Variants in ACYP1 observed in about 807,000 individuals in gnomAD.
ACYP1 encodes the protein acylphosphatase-1.
In ACYP1, 8 loss-of-function variants were observed where a neutral mutation model predicts 10.4. The ratio of observed to expected loss-of-function variants is 0.77; its 90% CI spans 0.45 to 1.38. The LOEUF (loss-of-function observed/expected upper bound fraction) is 1.38, where lower values mean the gene tolerates loss of function less well. Among genes scored for constraint, ACYP1 ranks in the 40% most tolerant of loss-of-function variants. The probability of loss-of-function intolerance (pLI) is 0.00; values close to 1 mark genes in which losing one functional copy is unlikely to be tolerated. For missense variants in ACYP1, 93 were observed against 117.3 expected (o/e 0.79, Z 0.96); for synonymous variants, 38 against 40.8 (o/e 0.93, Z 0.26).
chr14:75,065,852 G>C (rs758714372), upstream of ACYP1, among the ~76,000 whole-genome samples: 16 of 152,170 alleles, frequency 1.1e-4, no homozygotes, highest in Non-Finnish European at 1.5e-4. Context: ...CAACCAGTAA[G>C]TGATGGAGCT....
upstream of ACYP1, among the ~76,000 whole-genome samples, chr14:75,066,383 T>TG (rs11336181): frequency 7.1e-4 from 108 of 151,232 alleles, no homozygotes; most frequent in East Asian, 9.6e-3. Flanking sequence ...TTAATAAAGC[T>TG]GGGGGGGGGT....
intron 2 of ACYP1, among the ~76,000 whole-genome samples, chr14:75,055,664 T>C (rs187082573): frequency 6.6e-6 from 1 of 151,656 alleles, no homozygotes; most frequent in African/African-American, 2.4e-5. Context: ...CCACCTCTAG[T>C]TGCAATCTAA....
At chr14:75,064,059 C>T, upstream of ACYP1, 1 of 986,884 alleles carries the variant, frequency 1.0e-6, no homozygotes, top group Non-Finnish European at 1.2e-6. Flanking sequence ...TGTGTAGCTG[C>T]TCCTTCGCTG....
chr14:75,067,788 G>T (rs1045760853), upstream of ACYP1, among the ~76,000 whole-genome samples: 1 of 151,854 alleles, frequency 6.6e-6, no homozygotes, highest in South Asian at 2.1e-4. Flanking sequence ...GACTCCAGGG[G>T]TTTGAGACCA....
At chr14:75,062,659 CAAAAAAA>C (rs534860020) in intron 2 of ACYP1, among the ~76,000 whole-genome samples, 29 of 103,388 alleles carry the variant, frequency 2.8e-4, no homozygotes, top group South Asian at 6.4e-4. Flanking sequence ...ACTAAAAATA[CAAAAAAA>C]AAAAAAAAAA....
intron 2 of ACYP1, chr14:75,060,105 T>C (rs574287174): frequency 7.8e-5 from 41 of 523,722 alleles, no homozygotes; most frequent in African/African-American, 7.2e-4. Flanking sequence ...ATTTCTATGT[T>C]ATATGTATTC....
chr14:75,069,211 T>A (rs760145119), exon 1 of ACYP1: 29 of 1,515,128 alleles, frequency 1.9e-5, no homozygotes, highest in Non-Finnish European at 2.5e-5. Context: ...CAGCCATACC[T>A]GGGGCCCGCC....
At chr14:75,058,023 A>G (rs1315344806) in intron 2 of ACYP1, among the ~76,000 whole-genome samples, 1 of 148,964 alleles carries the variant, frequency 6.7e-6, no homozygotes, top group Non-Finnish European at 1.5e-5. Flanking sequence ...TTTATAAAGA[A>G]AAGAGGTTTA....
intron 2 of ACYP1, among the ~76,000 whole-genome samples, chr14:75,057,014 C>T (rs1249517531): frequency 6.6e-6 from 1 of 151,484 alleles, no homozygotes; most frequent in East Asian, 1.9e-4. Flanking sequence ...AGGGTCTATC[C>T]ACAGCAGGAG....
intron 2 of ACYP1, among the ~76,000 whole-genome samples, chr14:75,060,707 A>G (rs1254619540): frequency 1.3e-5 from 2 of 151,982 alleles, no homozygotes; most frequent in African/African-American, 4.8e-5. Flanking sequence ...CTTGAAAACA[A>G]TATGTTAAGT....
upstream of ACYP1, among the ~76,000 whole-genome samples, chr14:75,066,935 C>G (rs1038426781): frequency 6.6e-6 from 1 of 152,100 alleles, no homozygotes; most frequent in Non-Finnish European, 1.5e-5. Flanking sequence ...AAGACTGATG[C>G]TGTGAGCATG....
chr14:75,067,112 A>G (rs1157435101), upstream of ACYP1, among the ~76,000 whole-genome samples: 1 of 152,084 alleles, frequency 6.6e-6, no homozygotes, highest in Non-Finnish European at 1.5e-5. Flanking sequence ...GCTGGCTGTC[A>G]TTTAAACACA....
upstream of ACYP1, among the ~76,000 whole-genome samples, chr14:75,067,297 A>G (rs1893158520): frequency 6.6e-6 from 1 of 152,214 alleles, no homozygotes; most frequent in Non-Finnish European, 1.5e-5. Context: ...GATAAATGCC[A>G]GACTTGGAAG....
intron 2 of ACYP1, among the ~76,000 whole-genome samples, chr14:75,056,910 C>A: frequency 6.6e-6 from 1 of 151,584 alleles, no homozygotes; most frequent in Non-Finnish European, 1.5e-5. Flanking sequence ...CTGCTAACAT[C>A]ATACTTAATG....
Position 75,069,148 on chromosome 14 carries a change from G to A in ACYP1, c.82+62C>T, listed in dbSNP as rs1893227483. Reference sequence around the variant, plus strand: ...CGGAAAGATACTGCGTAGCAAAAACGTTGGCAGCAAGTTCCAAAGCCTTGG... The same window carrying A: ...CGGAAAGATACTGCGTAGCAAAAACATTGGCAGCAAGTTCCAAAGCCTTGG... On this transcript the variant is annotated intron_variant, in intron 1 of 2. Transcript: ENST00000555463. 1.8e-5 allele frequency: 26 copies of A among 1,454,434 alleles called. No individual in the cohort carries two copies. The South Asian group carries it at 2.3e-4, about 13-fold the overall frequency. The allele number at this position is 1,454,434 out of a possible 1,614,324, so 90.1% of individuals were successfully genotyped here.
At chr14:75,058,138 G>C (rs1204021769) in intron 2 of ACYP1, among the ~76,000 whole-genome samples, 2 of 150,570 alleles carry the variant, frequency 1.3e-5, no homozygotes, top group Non-Finnish European at 2.9e-5. Context: ...AAGAGGTGGG[G>C]TACCAGGCTC....
rs766484083 is a variant in ACYP1, at chr14:75,053,663, AG to A, written c.85-5del. The A allele has an allele frequency of 2.5e-6, 4 of 1,613,104 alleles. No individual in the cohort carries two copies. Among genetic ancestry groups the A allele is most frequent in the African/African-American group, 1.3e-5 (1 of 74,884 alleles). On this transcript the variant is annotated splice_polypyrimidine_tract_variant and splice_region_variant and intron_variant, in intron 2 of 2. Transcript: ENST00000238618. ...ATCCCAGCTTTTTACCCTCAGCCTA[AG>A]GGGGGTAAAAAGAGAGAGAGATCCA... is the stretch of plus-strand genomic sequence containing the variant.
At chr14:75,058,161 A>G (rs1892929808) in intron 2 of ACYP1, among the ~76,000 whole-genome samples, 1 of 150,180 alleles carries the variant, frequency 6.7e-6, no homozygotes, top group South Asian at 2.1e-4. Flanking sequence ...TTTAACAACC[A>G]GTTCTCACCG....
intron 2 of ACYP1, chr14:75,061,734 T>G (rs760920369): frequency 1.0e-5 from 16 of 1,592,118 alleles, no homozygotes; most frequent in Non-Finnish European, 1.4e-5. Context: ...GCTGTGAGTT[T>G]CAGCAATTCT....
Sources: gnomAD v4.1 joint callset for allele counts (sites outside exome capture counted in the v4.1 genomes callset) on GRCh38, gnomAD v4.1.1 for gene constraint, MANE v1.5 for transcripts, NCBI Gene and HGNC (gene_info 2026-07-23, HGNC 2026-07-21) for gene names.